Variants in AVEN observed in about 807,000 individuals in gnomAD.
The protein encoded by AVEN is cell death regulator Aven.
A neutral mutation model predicts 38.1 loss-of-function variants in AVEN; 41 were observed. The observed-to-expected ratio is 1.08, with a 90% CI of 0.84 to 1.40. The LOEUF is 1.40. AVEN is among the 40% of genes most tolerant of loss of function. AVEN has a pLI of 0.00. For synonymous variants in AVEN, 206 were observed against 171.8 expected, an observed-to-expected ratio of 1.20 and a Z score of -1.56; for missense variants, 605 against 438.8, an observed-to-expected ratio of 1.38 and a Z score of -3.38.
intron 2 of AVEN, among the ~76,000 whole-genome samples, chr15:33,940,634 C>G (rs1330602502): frequency 6.6e-6 from 1 of 152,032 alleles, no homozygotes; most frequent in Non-Finnish European, 1.5e-5. Flanking sequence ...CTCCGCCTCT[C>G]GGGTTCAAGC....
chr15:33,917,656 T>C (rs1893204195), intron 2 of AVEN, among the ~76,000 whole-genome samples: 1 of 151,602 alleles, frequency 6.6e-6, no homozygotes, highest in Non-Finnish European at 1.5e-5. Context: ...TACTCAGCCA[T>C]AAAAAGGAAT....
At chr15:33,975,253 C>T (rs1323504019) in intron 2 of AVEN, among the ~76,000 whole-genome samples, 1 of 152,152 alleles carries the variant, frequency 6.6e-6, no homozygotes, top group Non-Finnish European at 1.5e-5. Context: ...TATTCTTCTC[C>T]ATTTTAATGC....
chr15:33,907,225 G>C (rs1410210633), intron 2 of AVEN, among the ~76,000 whole-genome samples: 2 of 152,174 alleles, frequency 1.3e-5, no homozygotes, highest in Non-Finnish European at 2.9e-5. Flanking sequence ...TAGGCACCAA[G>C]TTAACTGGGC....
At chr15:33,940,843 A>G (rs1894291659) in intron 2 of AVEN, among the ~76,000 whole-genome samples, 1 of 152,168 alleles carries the variant, frequency 6.6e-6, no homozygotes, top group Admixed American at 6.5e-5. Context: ...CCCAGCCACG[A>G]TATGAAATTC....
chr15:34,026,152 A>G (rs1898459928), intron 1 of AVEN, among the ~76,000 whole-genome samples: 1 of 152,204 alleles, frequency 6.6e-6, no homozygotes, highest in Non-Finnish European at 1.5e-5. Flanking sequence ...TTTTAAATGC[A>G]TACATATACC....
In AVEN at chr15:34,063,939, C is replaced by T; in HGVS notation, n.1127-507G>A. The T allele has an allele frequency of 6.2e-7, 1 of 1,614,154 alleles. No homozygotes were observed. The highest frequency in any genetic ancestry group is 8.5e-7 in the Non-Finnish European group (1 of 1,180,018). ...GGTGAAAATCATGCCCTGCCCCTTCCCAGTGGCCAAGGAACCTTCAACGAA... is the reference window on the plus strand; with the variant it reads ...GGTGAAAATCATGCCCTGCCCCTTCTCAGTGGCCAAGGAACCTTCAACGAA... On this transcript the variant is annotated intron_variant and non_coding_transcript_variant, in intron 4 of 11. Coordinates refer to the AVEN transcript ENST00000675287. The surrounding 1 kb of genome is among the most constrained non-coding windows in gnomAD (Gnocchi z 4.1).
intron 2 of AVEN, among the ~76,000 whole-genome samples, chr15:33,941,035 A>G (rs1894302268): frequency 6.6e-6 from 1 of 152,238 alleles, no homozygotes; most frequent in Admixed American, 6.5e-5. Context: ...GAAACACTAC[A>G]GGTTATCCCT....
chr15:33,960,387 C>T (rs1895115591), intron 2 of AVEN, among the ~76,000 whole-genome samples: 1 of 151,922 alleles, frequency 6.6e-6, no homozygotes, highest in Admixed American at 6.6e-5. Context: ...AACTAGAATA[C>T]TTAGGTTAAA....
At chr15:34,049,875 TA>T (rs1379284756) in intron 5 of AVEN, among the ~76,000 whole-genome samples, 1 of 144,204 alleles carries the variant, frequency 6.9e-6, no homozygotes, top group East Asian at 2.0e-4. Flanking sequence ...CTGGGGCCAA[TA>T]ATCAACATCA....
chr15:33,857,547 A>C (rs1385114521), downstream of AVEN, among the ~76,000 whole-genome samples: 1 of 151,890 alleles, frequency 6.6e-6, no homozygotes, highest in African/African-American at 2.4e-5. Flanking sequence ...TTCAGCCCCC[A>C]ACACCCCATC....
intron 1 of AVEN, among the ~76,000 whole-genome samples, chr15:34,014,507 A>C (rs1283605999): frequency 6.6e-6 from 1 of 152,092 alleles, no homozygotes; most frequent in African/African-American, 2.4e-5. Flanking sequence ...AATCCATGGG[A>C]AACAGCCACA....
At position 33,859,278 on chromosome 15, in the gene AVEN, A is replaced by G. The variant is rs532107565; in HGVS notation, n.2730-184T>C. Among the ~76,000 whole-genome samples, 24 of 152,368 alleles carry G rather than the reference A, an allele frequency of 1.6e-4. 1 individual carries two copies. In the South Asian group the frequency reaches 5.0e-3, roughly 32 times the overall value. ...AAATGAGGAAAAATTATTATATGGC[A>G]TAGGCCATACTCATCAAGGCTTAAA... On this transcript the variant is annotated intron_variant and non_coding_transcript_variant, in intron 11 of 11. Coordinates refer to the AVEN transcript ENST00000675287.
chr15:33,874,001 G>A (rs558271901), intron 3 of AVEN, among the ~76,000 whole-genome samples: 34 of 151,964 alleles, frequency 2.2e-4, no homozygotes, highest in Admixed American at 1.1e-3. Flanking sequence ...CCTCCTAATC[G>A]GTTTCCCTGC....
At chr15:34,016,742 G>C (rs911602115) in intron 1 of AVEN, among the ~76,000 whole-genome samples, 1 of 152,128 alleles carries the variant, frequency 6.6e-6, no homozygotes, top group East Asian at 1.9e-4. Context: ...TTAAACCAGC[G>C]TAACCGTTTG....
intron 2 of AVEN, among the ~76,000 whole-genome samples, chr15:33,914,481 T>C (rs1893044112): frequency 6.6e-6 from 1 of 151,840 alleles, no homozygotes; most frequent in Admixed American, 6.6e-5. Flanking sequence ...ATTGGACCCA[T>C]TCCTCACACA....
At chr15:33,892,648 T>G (rs1052258066) in intron 2 of AVEN, among the ~76,000 whole-genome samples, 17 of 152,234 alleles carry the variant, frequency 1.1e-4, no homozygotes, top group Non-Finnish European at 2.2e-4. Flanking sequence ...TGAAGTCAGG[T>G]AGCGTGATGC....
At chr15:33,988,893 C>A (rs1305298173) in intron 2 of AVEN, among the ~76,000 whole-genome samples, 2 of 152,166 alleles carry the variant, frequency 1.3e-5, no homozygotes, top group Non-Finnish European at 2.9e-5. Flanking sequence ...CCCTTGGATG[C>A]CCAGTTAACA....
At chr15:34,035,379 G>A (rs560433913) in intron 1 of AVEN, among the ~76,000 whole-genome samples, 14 of 152,202 alleles carry the variant, frequency 9.2e-5, no homozygotes, top group Admixed American at 5.9e-4. Context: ...TAACATATCA[G>A]TTAAAAAAAT....
chr15:33,994,209 C>T (rs968251084), intron 2 of AVEN, among the ~76,000 whole-genome samples: 1 of 152,216 alleles, frequency 6.6e-6, no homozygotes, highest in African/African-American at 2.4e-5. Flanking sequence ...CTGAGCGCCA[C>T]CTCCTGTCAG....
Sources: gnomAD v4.1 joint callset for allele counts (sites outside exome capture counted in the v4.1 genomes callset) on GRCh38, gnomAD v4.1.1 for gene constraint, Gnocchi (gnomAD v3.1) non-coding constraint, MANE v1.5 for transcripts, NCBI Gene and HGNC (gene_info 2026-07-23, HGNC 2026-07-21) for gene names.